The following CDIN1 variants were observed in gnomAD, a reference collection of about 807,000 sequenced individuals.
The protein encoded by CDIN1 is CDAN1-interacting nuclease 1.
A neutral mutation model predicts 45.3 loss-of-function variants in CDIN1; 33 were observed. That is an observed-to-expected ratio of 0.73 (90% CI 0.55 to 0.97). The LOEUF is 0.97. Among genes scored for constraint, CDIN1 ranks in the 50% least tolerant of loss-of-function variants. CDIN1 has a pLI of 0.00. For synonymous variants in CDIN1, 118 were observed against 124.4 expected (o/e 0.95, Z 0.34); for missense variants, 303 against 339.4 (o/e 0.89, Z 0.84).
intron 1 of CDIN1, among the ~76,000 whole-genome samples, chr15:36,602,386 C>G (rs16963662): frequency 0.03 from 4,495 of 152,286 alleles, 211 homozygotes; most frequent in African/African-American, 0.1. Context: ...TGGGACTTCT[C>G]TTTTGGCAAG....
At chr15:36,718,812 C>CTTTTTTTTTTTTTTTTTTTTTTTTTTTT (rs3045909) in intron 10 of CDIN1, among the ~76,000 whole-genome samples, 2 of 96,648 alleles carry the variant, frequency 2.1e-5, no homozygotes, top group Non-Finnish European at 2.0e-5. Context: ...AATTTGTATG[C>CTTTTTTTTTTTTTTTTTTTTTTTTTTTT]TTTTTTTTTT....
At chr15:36,627,004 A>G (rs560937421) in intron 1 of CDIN1, 2 of 173,230 alleles carry the variant, frequency 1.2e-5, no homozygotes, top group South Asian at 2.7e-4. Context: ...TCCACTTGCC[A>G]GTGAGGTCTT....
intron 1 of CDIN1, among the ~76,000 whole-genome samples, chr15:36,606,339 A>G (rs757838472): frequency 1.3e-5 from 2 of 152,184 alleles, no homozygotes; most frequent in Non-Finnish European, 2.9e-5. Context: ...TGAAAGTCCG[A>G]CTTCTACATT....
At chr15:36,600,951 G>C (rs1176296499) in intron 1 of CDIN1, among the ~76,000 whole-genome samples, 1 of 151,986 alleles carries the variant, frequency 6.6e-6, no homozygotes, top group Non-Finnish European at 1.5e-5. Context: ...TTCTAAGTTA[G>C]TGATTGACTT....
chr15:36,789,126 A>G (rs1474062061), intron 10 of CDIN1, among the ~76,000 whole-genome samples: 3 of 152,228 alleles, frequency 2.0e-5, no homozygotes, highest in Admixed American at 1.3e-4. Context: ...GCTGCATTCA[A>G]AGCCATCCTG....
intron 1 of CDIN1, among the ~76,000 whole-genome samples, chr15:36,612,964 CAAAAT>C (rs2038718878): frequency 6.6e-6 from 1 of 152,124 alleles, no homozygotes; most frequent in Non-Finnish European, 1.5e-5. Context: ...TAGCCATTAT[CAAAAT>C]GAAAGCAGAG....
chr15:36,604,759 G>A (rs1225186990), intron 1 of CDIN1, among the ~76,000 whole-genome samples: 1 of 152,058 alleles, frequency 6.6e-6, no homozygotes, highest in Non-Finnish European at 1.5e-5. Flanking sequence ...AAGCATATAT[G>A]ATGATATTTA....
chr15:36,601,215 C>T (rs1039577004), intron 1 of CDIN1, among the ~76,000 whole-genome samples: 1 of 152,134 alleles, frequency 6.6e-6, no homozygotes. Flanking sequence ...AGACTAGGTA[C>T]GATGTGTAAC....
At chr15:36,607,294 G>A (rs939831505) in intron 1 of CDIN1, among the ~76,000 whole-genome samples, 9 of 152,088 alleles carry the variant, frequency 5.9e-5, no homozygotes, top group Admixed American at 1.3e-4. Flanking sequence ...GTGTTCAATG[G>A]AAATAACATC....
At chr15:36,668,205 A>G (rs2041322621) in intron 5 of CDIN1, 1 of 152,056 alleles carries the variant, frequency 6.6e-6, no homozygotes, top group Admixed American at 6.5e-5. Flanking sequence ...ATCCATAAAT[A>G]TTTGTTGACT....
At chr15:36,623,389 A>G (rs1353401263) in intron 1 of CDIN1, among the ~76,000 whole-genome samples, 1 of 152,142 alleles carries the variant, frequency 6.6e-6, no homozygotes, top group East Asian at 1.9e-4. Flanking sequence ...ATAACTTTAT[A>G]TATTTTTTAC....
intron 1 of CDIN1, among the ~76,000 whole-genome samples, chr15:36,639,265 A>G (rs8033422): frequency 0.51 from 77,161 of 150,972 alleles, 19,924 homozygotes; most frequent in Admixed American, 0.59. Context: ...ATATTTGGGG[A>G]AAAAAAAAGC....
At chr15:36,707,016 A>T (rs907052030) in intron 8 of CDIN1, 1 of 152,062 alleles carries the variant, frequency 6.6e-6, no homozygotes, top group African/African-American at 2.4e-5. Context: ...CCATCATTTC[A>T]TCTGAACTTT....
chr15:36,646,015 A>G (rs1423854369), intron 3 of CDIN1, among the ~76,000 whole-genome samples: 1 of 152,192 alleles, frequency 6.6e-6, no homozygotes, highest in Non-Finnish European at 1.5e-5. Flanking sequence ...ATATGACTGA[A>G]TAATTTATAA....
At chr15:36,758,014 TTATA>T (rs1244768176) in intron 10 of CDIN1, among the ~76,000 whole-genome samples, 4 of 152,156 alleles carry the variant, frequency 2.6e-5, no homozygotes, top group Non-Finnish European at 5.9e-5. Context: ...TTAAACTTTA[TTATA>T]TGTATGTATG....
At chr15:36,648,870 G>A (rs1278504036) in intron 3 of CDIN1, 1 of 152,160 alleles carries the variant, frequency 6.6e-6, no homozygotes. Context: ...ATTACATATT[G>A]CCAAACTACT....
intron 1 of CDIN1, among the ~76,000 whole-genome samples, chr15:36,597,218 A>G (rs965787182): frequency 2.0e-5 from 3 of 152,202 alleles, no homozygotes; most frequent in Admixed American, 6.5e-5. Context: ...GCTTGTAACC[A>G]GAAAATAATC....
chr15:36,703,080 T>C (rs1156992005), intron 8 of CDIN1, among the ~76,000 whole-genome samples: 1 of 149,934 alleles, frequency 6.7e-6, no homozygotes, highest in Non-Finnish European at 1.5e-5. Flanking sequence ...CAGCCAGGTG[T>C]GGTGGTGCAC....
intron 1 of CDIN1, chr15:36,614,297 T>C: frequency 6.9e-6 from 4 of 580,588 alleles, no homozygotes; most frequent in South Asian, 5.6e-5. Context: ...AGGGCCGATC[T>C]TTAACTGGAA....
Sources: allele counts gnomAD v4.1 joint callset (sites outside exome capture counted in the v4.1 genomes callset), GRCh38; gene constraint gnomAD v4.1.1; transcripts MANE v1.5; gene names NCBI Gene and HGNC (gene_info 2026-07-23, HGNC 2026-07-21).